APOBEC4: variants seen among roughly 807,000 people sequenced by gnomAD.
The protein encoded by APOBEC4 is putative deaminase APOBEC-4.
For missense variants in APOBEC4, 375 were observed against 441.2 expected (o/e 0.85, Z 1.34); for synonymous variants, 141 against 154.2 (o/e 0.91, Z 0.63).
At chr1:183,652,555 A>G (rs144216196) in intron 1 of APOBEC4, among the ~76,000 whole-genome samples, 92 of 152,178 alleles carry the variant, frequency 6.0e-4, no homozygotes, top group African/African-American at 2.2e-3. Flanking sequence ...TTTGTTATCG[A>G]CCACAGATTA....
Position 183,647,510 on chromosome 1 carries a change from A to G in APOBEC4, c.*168T>C. On this transcript the variant is annotated 3_prime_UTR_variant, in exon 2 of 2. Coordinates refer to ENST00000308641, the MANE Select transcript of APOBEC4 (RefSeq NM_203454.3). Reference sequence around the variant, plus strand: ...TGGAAACATTTTGGATTATGTTTAAAATAGTGTAACTTTATAATAGTTGAT... The same window carrying G: ...TGGAAACATTTTGGATTATGTTTAAGATAGTGTAACTTTATAATAGTTGAT... 8.8e-7 allele frequency: 1 copy of G among 1,131,092 alleles called. No homozygotes were observed. Among genetic ancestry groups the G allele is most frequent in the Non-Finnish European group, 1.2e-6 (1 of 849,438 alleles). 70.1% of individuals were successfully genotyped at this position (1,131,092 alleles called of 1,614,324 possible).
chr1:183,648,029 G>A lies in APOBEC4; in HGVS notation c.753C>T (p.Asn251=), dbSNP rs1439313454. Residue 251 remains asparagine, a synonymous_variant, in exon 2 of 2, where the codon AAC becomes AAT. Transcript: ENST00000308641. ...TCTCTAAAGCCTCCTGAGCTTTTGT[G>A]TTTGGATTCCTTTTTGTCTGGAGAA... ...DVLLQTKRNP[N]TKAQEALESY... 3 of 1,614,082 alleles carry A rather than the reference G, an allele frequency of 1.9e-6. No individual in the cohort carries two copies. Among genetic ancestry groups the A allele is most frequent in the African/African-American group, 2.7e-5 (2 of 74,932 alleles).
In APOBEC4 at chr1:183,648,801, T is replaced by C. The variant is rs963956451; in HGVS notation, c.-20A>G. On this transcript the variant is annotated 5_prime_UTR_variant, in exon 2 of 2. The change abolishes the stop of an existing upstream ORF in the 5' untranslated region. Transcript: ENST00000308641. The stretch of plus-strand genomic sequence containing the variant: ...CTCCATTGCTAGATTTACTGTCTTC[T>C]AGCTGCAAACCTAAACAAGGAAGAG... 7.7e-6 allele frequency: 12 copies of C among 1,549,868 alleles called. No homozygotes were observed. The highest frequency in any genetic ancestry group is 1.0e-5 in the Non-Finnish European group (12 of 1,147,396).
Position 183,647,664 on chromosome 1 carries a change from T to G in APOBEC4, c.*14A>C, listed in dbSNP as rs989846211. On this transcript the variant is annotated 3_prime_UTR_variant, in exon 2 of 2. Coordinates refer to ENST00000308641, the MANE Select transcript of APOBEC4 (RefSeq NM_203454.3). ...TCCCTTGGTAATTGGTTTCATGCTG[T>G]AGGAATGTAGATTTTATTTCTTCCC... The G allele has an allele frequency of 3.8e-6, 6 of 1,580,504 alleles. No homozygotes were observed. In the African/African-American group the frequency reaches 5.4e-5, roughly 14 times the overall value.
Position 183,647,505 on chromosome 1 carries a change from T to G in APOBEC4, c.*173A>C, listed in dbSNP as rs552157980. On this transcript the variant is annotated 3_prime_UTR_variant, in exon 2 of 2. Coordinates refer to ENST00000308641, the MANE Select transcript of APOBEC4 (RefSeq NM_203454.3). ...GCTTATGGAAACATTTTGGATTATG[T>G]TTAAAATAGTGTAACTTTATAATAG... 3.0e-5 allele frequency: 33 copies of G among 1,097,950 alleles called. No individual in the cohort carries two copies. The highest frequency in any genetic ancestry group is 6.5e-4 in the Middle Eastern group (2 of 3,058). 68.0% of individuals were successfully genotyped at this position (1,097,950 alleles called of 1,614,324 possible).
At position 183,647,320 on chromosome 1, in the gene APOBEC4, C is replaced by T. The variant is rs1650363384; in HGVS notation, c.*358G>A. The T allele has an allele frequency of 6.2e-6, 1 of 162,596 alleles. No homozygotes were observed. Among genetic ancestry groups the T allele is most frequent in the Non-Finnish European group, 1.3e-5 (1 of 75,528 alleles). 10.1% of individuals were successfully genotyped at this position (162,596 alleles called of 1,614,324 possible). ...TTTTACAGTAAATTTTTTACCGAAA[C>T]AAATTTAGGTAGCTATTTTGTCCAT... On this transcript the variant is annotated 3_prime_UTR_variant, in exon 2 of 2. Coordinates refer to ENST00000308641, the MANE Select transcript of APOBEC4 (RefSeq NM_203454.3).
In APOBEC4 at chr1:183,647,923, G is replaced by A. The variant is rs896311344; in HGVS notation, c.859C>T (p.Leu287Phe). 3 of 1,614,106 alleles carry A rather than the reference G, an allele frequency of 1.9e-6. No individual in the cohort carries two copies. In the African/African-American group the frequency reaches 4.0e-5, roughly 22 times the overall value. ...AGCACAAAAACAACAGGAGCCCTGA[G>A]GTCTGGAGGTAGGTTGGGTTGGAGT... The part of the protein sequence containing the change: ...GQLQPNLPPD[L>F]RAPVVFVLVP... The change falls in exon 2 of 2, where the codon CTC becomes TTC. Residue 287 changes from leucine (L) to phenylalanine (F), a missense_variant. Leu to Phe is a conservative substitution (Grantham distance 22, BLOSUM62 0). Transcript: ENST00000308641.
intron 1 of APOBEC4, among the ~76,000 whole-genome samples, chr1:183,650,768 A>G (rs1054638784): frequency 3.3e-5 from 5 of 151,552 alleles, no homozygotes; most frequent in African/African-American, 7.3e-5. Context: ...AACATTGTCA[A>G]ATCGCTTCCT....
intron 1 of APOBEC4, 124 bp from the exon 2 acceptor site, chr1:183,648,935 G>T: frequency 1.6e-6 from 1 of 611,792 alleles, no homozygotes; most frequent in Non-Finnish European, 2.8e-6. Flanking sequence ...TATATGCATA[G>T]ATTTAAAAGC....
At chr1:183,650,521 T>C (rs1290660591) in intron 1 of APOBEC4, among the ~76,000 whole-genome samples, 7 of 152,120 alleles carry the variant, frequency 4.6e-5, no homozygotes, top group Admixed American at 3.9e-4. Flanking sequence ...CCAGCCTGGG[T>C]GACAGAGCGA....
In APOBEC4 at chr1:183,648,118, CA is replaced by C. The variant is rs771181672; in HGVS notation, c.663del (p.Asp222ThrfsTer11). 183 of 1,614,098 alleles carry C rather than the reference CA, an allele frequency of 1.1e-4. No homozygotes were observed. Among genetic ancestry groups the C allele is most frequent in the Non-Finnish European group, 1.5e-4 (172 of 1,180,054 alleles). ...TTGATTTCATATGCGTTGTGCCTGT[CA>C]GCCAGTGCTCTCCCAGTTAAAATGG... ...FQPILTGRAL[A>X]DRHNAYEINA... On this transcript the variant is annotated frameshift_variant, in exon 2 of 2. Coordinates refer to ENST00000308641, the MANE Select transcript of APOBEC4 (RefSeq NM_203454.3). LOFTEE classifies it low-confidence loss of function (END_TRUNC).
chr1:183,652,381 G>T (rs1237912509), intron 1 of APOBEC4, among the ~76,000 whole-genome samples: 1 of 152,176 alleles, frequency 6.6e-6, no homozygotes, highest in Non-Finnish European at 1.5e-5. Flanking sequence ...CATTCTTGCT[G>T]ACAACTTTTC....
chr1:183,648,367 A>G lies in APOBEC4; in HGVS notation c.415T>C (p.Tyr139His). The change falls in exon 2 of 2, where the codon TAT becomes CAT. Residue 139 changes from tyrosine to histidine, a missense_variant. Transcript: ENST00000308641. ...CCTGGATACGTAATCAGGAAATTAT[A>G]CATTTTGCTGATGCAGCAGTGGTTA... ...EANHCCISKMYNFLITYPGIT... is the reference protein window; with the variant it reads ...EANHCCISKMHNFLITYPGIT... The G allele has an allele frequency of 6.2e-7, 1 of 1,614,252 alleles. No homozygotes were observed. Among genetic ancestry groups the G allele is most frequent in the Middle Eastern group, 1.6e-4 (1 of 6,062 alleles).
Position 183,653,154 on chromosome 1 carries a change from A to G in APOBEC4, c.-113T>C, listed in dbSNP as rs1296706118. ...TCCTTTTTTTTCTCCTTTAAGTCCC[A>G]TGCCCTGTTTCAAGTAGCTTCAGAA... On this transcript the variant is annotated 5_prime_UTR_variant, in exon 1 of 2. An upstream start codon of the reference 5' UTR is lost. Transcript: ENST00000308641. The G allele has an allele frequency of 3.9e-5, 6 of 152,144 alleles. No individual in the cohort carries two copies. Among genetic ancestry groups the G allele is most frequent in the African/African-American group, 1.4e-4 (6 of 41,424 alleles). 9.4% of individuals were successfully genotyped at this position (152,144 alleles called of 1,614,324 possible). A position where few individuals can be genotyped will look rare whatever the true frequency, so the allele number is the denominator to read the frequency against.
Position 183,646,446 on chromosome 1 carries a change from A to G in APOBEC4, c.*1232T>C, listed in dbSNP as rs1374374117. The G allele has an allele frequency of 6.6e-6, 1 of 152,024 alleles. No homozygotes were observed. The highest frequency in any genetic ancestry group is 1.9e-4 in the East Asian group (1 of 5,198). The allele number at this position is 152,024 out of a possible 1,614,324, so 9.4% of individuals were successfully genotyped here. On this transcript the variant is annotated 3_prime_UTR_variant, in exon 2 of 2. Transcript: ENST00000308641. ...ATATATATATATAAAGAAAAAAATT[A>G]ATAGCAAGTTACGAGAAAATGTACA... is the stretch of plus-strand genomic sequence containing the variant.
intron 1 of APOBEC4, among the ~76,000 whole-genome samples, chr1:183,649,265 T>C (rs975468781): frequency 2.0e-5 from 3 of 152,244 alleles, no homozygotes; most frequent in African/African-American, 7.2e-5. Flanking sequence ...ACTAATGTGC[T>C]TGTCACATAG....
intron 1 of APOBEC4, among the ~76,000 whole-genome samples, chr1:183,649,817 A>G (rs1024303557): frequency 2.0e-5 from 3 of 151,920 alleles, no homozygotes; most frequent in Non-Finnish European, 4.4e-5. Flanking sequence ...GGAGCTACCT[A>G]TTTTGTTTGT....
rs1650445946 is a variant in APOBEC4, at chr1:183,648,174, C to T, written c.608G>A (p.Ser203Asn). ...IWHSVLHSFI[S>N]GVSGSHVFQP... ...AAAAACATGTGATCCTGAGACACCA[C>T]TTATAAAGCTGTGGAGAACAGAATG... is the stretch of plus-strand genomic sequence containing the variant. The change falls in exon 2 of 2, where the codon AGT (serine) becomes AAT (asparagine). Residue 203 changes from serine to asparagine, a missense_variant. By Grantham distance (46) the Ser-to-Asn change is conservative. Coordinates refer to ENST00000308641, the MANE Select transcript of APOBEC4 (RefSeq NM_203454.3). 6.2e-7 allele frequency: 1 copy of T among 1,614,204 alleles called. No individual in the cohort carries two copies. Among genetic ancestry groups the T allele is most frequent in the Non-Finnish European group, 8.5e-7 (1 of 1,180,034 alleles).
Position 183,647,100 on chromosome 1 carries a change from A to G in APOBEC4, c.*578T>C, listed in dbSNP as rs1650345253. 1 of 152,428 alleles carries G rather than the reference A, an allele frequency of 6.6e-6. No homozygotes were observed. Among genetic ancestry groups the G allele is most frequent in the Non-Finnish European group, 1.5e-5 (1 of 68,190 alleles). 9.4% of individuals were successfully genotyped at this position (152,428 alleles called of 1,614,324 possible). ...TGAGCTGGGGAAGATCAAACTGAGC[A>G]GGTGGCTAGGTTTTAATCTTTATAG... On this transcript the variant is annotated 3_prime_UTR_variant, in exon 2 of 2. Transcript: ENST00000308641.
Sources: gnomAD v4.1 joint callset for allele counts (sites outside exome capture counted in the v4.1 genomes callset) on GRCh38, gnomAD v4.1.1 for gene constraint, MANE v1.5 for transcripts, NCBI Gene and HGNC (gene_info 2026-07-23, HGNC 2026-07-21) for gene names.